The following SLC1A3 variants were observed in gnomAD, a reference collection of about 807,000 sequenced individuals.
The protein encoded by SLC1A3 is excitatory amino acid transporter 1.
A neutral mutation model predicts 48.1 loss-of-function variants in SLC1A3; 21 were observed. That is an observed-to-expected ratio of 0.44 (90% CI 0.31 to 0.63). The LOEUF (loss-of-function observed/expected upper bound fraction) is 0.63. SLC1A3 is among the 20% of genes least tolerant of loss of function. The pLI is 0.08. For synonymous variants in SLC1A3, 239 were observed against 251.4 expected, an observed-to-expected ratio of 0.95 and a Z score of 0.47; for missense variants, 546 against 689.0, an observed-to-expected ratio of 0.79 and a Z score of 2.32.
intron 3 of SLC1A3, among the ~76,000 whole-genome samples, chr5:36,635,434 G>T (rs920691810): frequency 6.6e-6 from 1 of 152,154 alleles, no homozygotes; most frequent in African/African-American, 2.4e-5. Flanking sequence ...CGGAACTAAG[G>T]CTCCAGATTT....
intron 3 of SLC1A3, among the ~76,000 whole-genome samples, chr5:36,658,610 T>C (rs1454533142): frequency 1.3e-5 from 2 of 152,094 alleles, no homozygotes; most frequent in Admixed American, 1.3e-4. Context: ...TAAGCAGTTT[T>C]TTTTGTTTGT....
In SLC1A3 at chr5:36,671,176, A is replaced by G; in HGVS notation, c.467A>G (p.His156Arg). ...GGGAAGGGCACAAAGGAAAACATGC[A>G]CAGAGAAGGCAAAATTGTACGAGTG... The part of the protein sequence containing the change: ...HPGKGTKENM[H>R]REGKIVRVTA... Residue 156 changes from histidine (H) to arginine (R), a missense_variant, in exon 4 of 10, where the codon CAC (histidine) becomes CGC (arginine). This residue lies in a region of SLC1A3 where 348 missense variants were observed against 392.0 expected (regional missense o/e 0.89). Transcript: ENST00000265113. 1 of 1,613,980 alleles carries G rather than the reference A, an allele frequency of 6.2e-7. No homozygotes were observed. The highest frequency in any genetic ancestry group is 8.5e-7 in the Non-Finnish European group (1 of 1,179,876).
chr5:36,620,506 A>G (rs1240297378), intron 2 of SLC1A3, among the ~76,000 whole-genome samples: 5 of 152,254 alleles, frequency 3.3e-5, no homozygotes, highest in African/African-American at 1.2e-4. Flanking sequence ...TGCAGTAGGG[A>G]ATCAGATTTA....
At chr5:36,602,721 T>TG (rs1474663687), upstream of SLC1A3, among the ~76,000 whole-genome samples, 8 of 152,282 alleles carry the variant, frequency 5.3e-5, no homozygotes, top group African/African-American at 1.9e-4. Flanking sequence ...TGGGAATCTA[T>TG]TTGGGGGGGT....
At chr5:36,679,060 A>G (rs185809057) in intron 6 of SLC1A3, among the ~76,000 whole-genome samples, 1 of 152,352 alleles carries the variant, frequency 6.6e-6, no homozygotes, top group East Asian at 1.9e-4. Flanking sequence ...AGGCAATAAT[A>G]AAAGTGGCCC....
chr5:36,638,956 G>A (rs1436523455), intron 3 of SLC1A3, among the ~76,000 whole-genome samples: 6 of 152,178 alleles, frequency 3.9e-5, no homozygotes, highest in African/African-American at 1.4e-4. Flanking sequence ...ATGAGTCACC[G>A]CGCCTGGCTA....
chr5:36,609,449 C>CT (rs1019594015), intron 2 of SLC1A3: 1 of 181,378 alleles, frequency 5.5e-6, no homozygotes, highest in African/African-American at 2.4e-5. Context: ...AATATTCCAA[C>CT]TTAACCTACC....
chr5:36,648,400 A>C (rs537669910), intron 3 of SLC1A3, among the ~76,000 whole-genome samples: 2 of 152,328 alleles, frequency 1.3e-5, no homozygotes, highest in South Asian at 4.1e-4. Context: ...TGAACCTGCA[A>C]AATCTACCAT....
chr5:36,684,038 G>A, intron 9 of SLC1A3, 40 bp downstream of exon 9: 1 of 1,613,584 alleles, frequency 6.2e-7, no homozygotes, highest in Non-Finnish European at 8.5e-7. Flanking sequence ...ACTGTCACAG[G>A]GTCCCCCTCT....
At chr5:36,612,514 A>G (rs1739246344) in intron 2 of SLC1A3, among the ~76,000 whole-genome samples, 1 of 151,932 alleles carries the variant, frequency 6.6e-6, no homozygotes, top group African/African-American at 2.4e-5. Flanking sequence ...ACTTAAGCCC[A>G]GGAGGTTGAG....
At chr5:36,629,973 T>C (rs1201276542) in intron 3 of SLC1A3, 1 of 292,892 alleles carries the variant, frequency 3.4e-6, no homozygotes, top group Non-Finnish European at 6.6e-6. Flanking sequence ...CTATTAGCTA[T>C]TGATGCAAGA....
At chr5:36,648,378 CTTAAG>C (rs1414367019) in intron 3 of SLC1A3, among the ~76,000 whole-genome samples, 1 of 152,182 alleles carries the variant, frequency 6.6e-6, no homozygotes, top group Non-Finnish European at 1.5e-5. Flanking sequence ...GAATACGGTT[CTTAAG>C]TTAATGTGAA....
chr5:36,608,018 G>T (rs1009959957), intron 1 of SLC1A3, among the ~76,000 whole-genome samples: 1 of 152,134 alleles, frequency 6.6e-6, no homozygotes, highest in Non-Finnish European at 1.5e-5. Context: ...CATCAGCTGG[G>T]TTCTGCGGGG....
At chr5:36,646,134 G>A (rs898543822) in intron 3 of SLC1A3, among the ~76,000 whole-genome samples, 3 of 152,180 alleles carry the variant, frequency 2.0e-5, no homozygotes, top group African/African-American at 7.2e-5. Flanking sequence ...TATCATTAAG[G>A]GAAAGCTAAA....
intron 2 of SLC1A3, chr5:36,613,136 G>A: frequency 3.9e-6 from 1 of 259,442 alleles, no homozygotes; most frequent in Non-Finnish European, 7.8e-6. Flanking sequence ...TGTGGGGCGG[G>A]ATGCCACCGA....
rs553680974 is a variant in SLC1A3 at position 36,641,833 on chromosome 5, G to A, written c.319+12246G>A. 3.3e-5 allele frequency among the ~76,000 whole-genome samples: 5 copies of A among 152,208 alleles called. No individual in the cohort carries two copies. The South Asian group carries it at 1.0e-3, about 32-fold the overall frequency. Reference sequence around the variant, plus strand: ...AATTCTATGAATTCTATAATATAAAGTAGGAGCACACTTACTATGTGAAAT... The same window carrying A: ...AATTCTATGAATTCTATAATATAAAATAGGAGCACACTTACTATGTGAAAT... On this transcript the variant is annotated intron_variant, in intron 3 of 9. Coordinates refer to ENST00000265113, the MANE Select transcript of SLC1A3 (RefSeq NM_004172.5).
intron 3 of SLC1A3, among the ~76,000 whole-genome samples, chr5:36,641,173 A>G (rs948889050): frequency 6.6e-6 from 1 of 152,226 alleles, no homozygotes; most frequent in Non-Finnish European, 1.5e-5. Context: ...TAAAATGTTT[A>G]TGCTGTGAAA....
At position 36,684,137 on chromosome 5, in the gene SLC1A3, T is replaced by G. The variant is rs149806043; in HGVS notation, c.1424+139T>G. On this transcript the variant is annotated intron_variant, in intron 9 of 9. Coordinates refer to ENST00000265113, the MANE Select transcript of SLC1A3 (RefSeq NM_004172.5). ...TCGGCCCATAGTTAAATTGTCCTTA[T>G]TGTCTGACCCCTGGTCCTTATCTGG... is the stretch of plus-strand genomic sequence containing the variant. The G allele has an allele frequency of 9.8e-4, 1,079 of 1,103,752 alleles. 1 individual carries two copies. Among genetic ancestry groups the G allele is most frequent in the East Asian group, 5.3e-3 (225 of 42,352 alleles). 68.4% of individuals were successfully genotyped at this position (1,103,752 alleles called of 1,614,324 possible).
chr5:36,605,008 C>A (rs944086344), upstream of SLC1A3, among the ~76,000 whole-genome samples: 6 of 151,522 alleles, frequency 4.0e-5, no homozygotes, highest in African/African-American at 1.5e-4. Context: ...TGAGAAATGG[C>A]TCCATGCACC....
Sources: gnomAD v4.1 joint callset for allele counts (sites outside exome capture counted in the v4.1 genomes callset) on GRCh38, gnomAD v4.1.1 for gene constraint, gnomAD v4.1.1 regional missense constraint, MANE v1.5 for transcripts, NCBI Gene and HGNC (gene_info 2026-07-23, HGNC 2026-07-21) for gene names.